Variants in ADAMTS5 observed in about 807,000 individuals in gnomAD.
ADAMTS5 encodes the protein ADAM metallopeptidase with thrombospondin type 1 motif 5, also known as A disintegrin and metalloproteinase with thrombospondin motifs 5.
A neutral mutation model predicts 81.4 loss-of-function variants in ADAMTS5; 54 were observed. That is an observed-to-expected ratio of 0.66 (90% confidence interval 0.53 to 0.83). The LOEUF (loss-of-function observed/expected upper bound fraction) is 0.83. Ranked by LOEUF, ADAMTS5 falls within the 40% of genes least tolerant of loss-of-function variation. The pLI, the probability that ADAMTS5 is intolerant of heterozygous loss-of-function variation, is 0.00. For missense variants in ADAMTS5, 1,194 were observed against 1,229.9 expected (o/e 0.97, Z 0.44); for synonymous variants, 532 against 508.8 (o/e 1.05, Z -0.61).
chr21:26,943,681 G>C, intron 2 of ADAMTS5, 134 bp from the exon 3 acceptor site: 2 of 762,640 alleles, frequency 2.6e-6, no homozygotes, highest in Admixed American at 3.1e-5. Flanking sequence ...CTCACCCAGA[G>C]ACTGGACCTC....
At chr21:26,941,258 A>G (rs1987108607) in intron 3 of ADAMTS5, among the ~76,000 whole-genome samples, 1 of 152,134 alleles carries the variant, frequency 6.6e-6, no homozygotes, top group South Asian at 2.1e-4. Context: ...TGATAATTGA[A>G]TTTATTTAAT....
rs1226223162 is a variant in ADAMTS5, at chr21:26,966,048, G to A, written c.344C>T (p.Pro115Leu). 6.2e-7 allele frequency: 1 copy of A among 1,613,246 alleles called. No individual in the cohort carries two copies. The highest frequency in any genetic ancestry group is 8.5e-7 in the Non-Finnish European group (1 of 1,179,958). Residue 115 changes from proline to leucine, a missense_variant, in exon 1 of 8, where the codon CCC becomes CTC. Physicochemically the swap from Pro to Leu is moderately conservative, Grantham distance 98 (BLOSUM62 -3). Transcript: ENST00000284987. ...DGSVGIAGFV[P>L]AGGGTSAPWR... Reference sequence around the variant, plus strand: ...GGGCGCACTCGTCCCGCCTCCTGCGGGCACGAAGCCAGCAATGCCCACCGA... The same window carrying A: ...GGGCGCACTCGTCCCGCCTCCTGCGAGCACGAAGCCAGCAATGCCCACCGA...
Position 26,934,562 on chromosome 21 carries a change from G to C in ADAMTS5, c.1593C>G (p.Thr531=). The C allele has an allele frequency of 6.2e-7, 1 of 1,614,182 alleles. No homozygotes were observed. The highest frequency in any genetic ancestry group is 8.5e-7 in the Non-Finnish European group (1 of 1,180,034). ...TCCCTTCCACCGCAGGCAGCTTCTT[G>C]GTCAGACAGACCATCTGGCCCTGGC... ...VVRQGQMVCL[T]KKLPAVEGTP... Residue 531 remains threonine (T), a synonymous_variant, in exon 4 of 8, where the codon ACC becomes ACG. Coordinates refer to ENST00000284987, the MANE Select transcript of ADAMTS5 (RefSeq NM_007038.5).
chr21:26,943,047 T>A (rs1987143038), intron 3 of ADAMTS5, among the ~76,000 whole-genome samples: 1 of 152,154 alleles, frequency 6.6e-6, no homozygotes, highest in African/African-American at 2.4e-5. Context: ...GAAACCAAGA[T>A]GTCTGCCAAA....
rs967128218 is a variant in ADAMTS5 at position 26,920,283 on chromosome 21, G to A, written c.*3770C>T. On this transcript the variant is annotated 3_prime_UTR_variant, in exon 8 of 8. Transcript: ENST00000284987. ...CAAGGGTGCTTTGTCTTGTTGCCAG[G>A]ATCAGACTGTGAAATCACAGAGGCA... 1.3e-5 allele frequency: 2 copies of A among 152,042 alleles called. No individual in the cohort carries two copies. Among genetic ancestry groups the A allele is most frequent in the Non-Finnish European group, 2.9e-5 (2 of 67,960 alleles). 9.4% of individuals were successfully genotyped at this position (152,042 alleles called of 1,614,324 possible).
chr21:26,958,784 C>T (rs1456979667), intron 1 of ADAMTS5, among the ~76,000 whole-genome samples: 1 of 152,166 alleles, frequency 6.6e-6, no homozygotes, highest in Non-Finnish European at 1.5e-5. Flanking sequence ...AAGAACAAAG[C>T]AAACTGTGAC....
At position 26,924,006 on chromosome 21, in the gene ADAMTS5, G is replaced by T; in HGVS notation, c.*47C>A. The T allele has an allele frequency of 6.5e-7, 1 of 1,537,760 alleles. No individual in the cohort carries two copies. Among genetic ancestry groups the T allele is most frequent in the Non-Finnish European group, 8.8e-7 (1 of 1,136,580 alleles). On this transcript the variant is annotated 3_prime_UTR_variant, in exon 8 of 8. Transcript: ENST00000284987. ...CCTCCTGTTCACCACGACTGCATCA[G>T]TGCTGAATCCTCCAGTTATCTTTGT...
chr21:26,949,835 C>G (rs2298675), intron 2 of ADAMTS5, among the ~76,000 whole-genome samples: 1 of 152,148 alleles, frequency 6.6e-6, no homozygotes, highest in Non-Finnish European at 1.5e-5. Flanking sequence ...CAAGTTTAAT[C>G]CTAGTTTCCT....
chr21:26,933,423 C>T (rs544277036), intron 4 of ADAMTS5, among the ~76,000 whole-genome samples: 3 of 152,244 alleles, frequency 2.0e-5, no homozygotes, highest in South Asian at 2.1e-4. Context: ...TTTATTGAAA[C>T]GTATAATGCT....
intron 3 of ADAMTS5, among the ~76,000 whole-genome samples, chr21:26,940,944 A>G (rs1987103795): frequency 6.6e-6 from 1 of 152,154 alleles, no homozygotes; most frequent in African/African-American, 2.4e-5. Context: ...AGTTATTTCA[A>G]TTCATCTTTA....
At chr21:26,961,720 C>A (rs1987532645) in intron 1 of ADAMTS5, among the ~76,000 whole-genome samples, 1 of 152,184 alleles carries the variant, frequency 6.6e-6, no homozygotes. Flanking sequence ...AGTTATTTAT[C>A]CTTTTATTGA....
intron 2 of ADAMTS5, among the ~76,000 whole-genome samples, chr21:26,952,477 G>A (rs1043136478): frequency 6.6e-6 from 1 of 152,226 alleles, no homozygotes; most frequent in East Asian, 1.9e-4. Flanking sequence ...AGCTGGGAAA[G>A]GTGACCCTGC....
chr21:26,959,743 C>T lies in ADAMTS5; in HGVS notation c.1105-4872G>A, dbSNP rs530506009. 2.2e-4 allele frequency among the ~76,000 whole-genome samples: 33 copies of T among 152,214 alleles called. 1 individual carries two copies. The highest frequency in any genetic ancestry group is 7.7e-4 in the East Asian group (4 of 5,174). ...AAGAAAACTGGTGACATCATTAACT[C>T]GCCTCCTTCTCTCACCTGTCACATC... On this transcript the variant is annotated intron_variant, in intron 1 of 7. Coordinates refer to ENST00000284987, the MANE Select transcript of ADAMTS5 (RefSeq NM_007038.5).
At chr21:26,960,161 A>G (rs2083603487) in intron 1 of ADAMTS5, among the ~76,000 whole-genome samples, 1 of 152,076 alleles carries the variant, frequency 6.6e-6, no homozygotes, top group South Asian at 2.1e-4. Flanking sequence ...TCTTGACCCA[A>G]TCTATGCCTC....
chr21:26,955,272 A>T (rs1018950707), intron 1 of ADAMTS5, among the ~76,000 whole-genome samples: 10 of 152,192 alleles, frequency 6.6e-5, no homozygotes, highest in African/African-American at 2.4e-4. Flanking sequence ...TTTCTATTAC[A>T]GGGGCAAACT....
Position 26,934,735 on chromosome 21 carries a change from C to T in ADAMTS5, c.1420G>A (p.Asp474Asn), listed in dbSNP as rs1986981699. 6.2e-7 allele frequency: 1 copy of T among 1,613,818 alleles called. No individual in the cohort carries two copies. Among genetic ancestry groups the T allele is most frequent in the Non-Finnish European group, 8.5e-7 (1 of 1,179,898 alleles). ...CCCAGGATCTGCTTTCGTGGTAGGT[C>T]CAGCAAACAGTTACCTACAAGAATA... The part of the protein sequence containing the change: ...LDDGHGNCLL[D>N]LPRKQILGPE... Residue 474 changes from aspartate to asparagine, a missense_variant, in exon 4 of 8, where the codon GAC becomes AAC. Physicochemically the swap from Asp to Asn is conservative, Grantham distance 23 (BLOSUM62 1). Around this residue, in one of 2 missense-constraint regions of ADAMTS5, gnomAD observed 696 missense variants for 817.6 expected, o/e 0.85. Transcript: ENST00000284987.
At chr21:26,935,929 T>C (rs1196616338) in intron 3 of ADAMTS5, among the ~76,000 whole-genome samples, 1 of 152,226 alleles carries the variant, frequency 6.6e-6, no homozygotes, top group Non-Finnish European at 1.5e-5. Context: ...CTCCATTCTT[T>C]ACATATATGA....
chr21:26,960,480 T>C (rs752298644), intron 1 of ADAMTS5, among the ~76,000 whole-genome samples: 4 of 152,246 alleles, frequency 2.6e-5, no homozygotes, highest in Non-Finnish European at 5.9e-5. Flanking sequence ...GACAGGACTC[T>C]AATCAGATAG....
In ADAMTS5 at chr21:26,941,562, A is replaced by T. The variant is rs115638971; in HGVS notation, c.1405+1818T>A. Among the ~76,000 whole-genome samples the T allele has an allele frequency of 2.7e-3, 418 of 152,200 alleles. 1 individual carries two copies. Among genetic ancestry groups the T allele is most frequent in the African/African-American group, 9.4e-3 (390 of 41,556 alleles). ...GAATCATTCCAAAATTAGGAACAAA[A>T]TTCTCCACAGCATTGTAATTAGCTG... On this transcript the variant is annotated intron_variant, in intron 3 of 7. Coordinates refer to ENST00000284987, the MANE Select transcript of ADAMTS5 (RefSeq NM_007038.5).
Sources: gnomAD v4.1 joint callset for allele counts (sites outside exome capture counted in the v4.1 genomes callset) on GRCh38, gnomAD v4.1.1 for gene constraint, gnomAD v4.1.1 regional missense constraint, MANE v1.5 for transcripts, NCBI Gene and HGNC (gene_info 2026-07-23, HGNC 2026-07-21) for gene names.